The following CTIF variants were observed in gnomAD, a reference collection of about 807,000 sequenced individuals.
The protein encoded by CTIF is cap binding complex dependent translation initiation factor, also known as CBP80/20-dependent translation initiation factor.
A neutral mutation model predicts 66.0 loss-of-function variants in CTIF; 21 were observed. That is an observed-to-expected ratio of 0.32 (90% confidence interval 0.23 to 0.46). The LOEUF is 0.46. CTIF is among the 20% of genes least tolerant of loss of function. CTIF has a pLI of 1.00. For missense variants in CTIF, 739 were observed against 812.7 expected (o/e 0.91, Z 1.10); for synonymous variants, 345 against 326.4 (o/e 1.06, Z -0.62).
chr18:48,703,735 GC>G (rs2092114334), intron 6 of CTIF, among the ~76,000 whole-genome samples: 1 of 152,174 alleles, frequency 6.6e-6, no homozygotes, highest in East Asian at 1.9e-4. Context: ...CCTCATTGGG[GC>G]AGGGGCAGCA....
At chr18:48,820,122 GA>G (rs1381203941) in intron 10 of CTIF, among the ~76,000 whole-genome samples, 1 of 152,204 alleles carries the variant, frequency 6.6e-6, no homozygotes, top group African/African-American at 2.4e-5. Context: ...GTCCATGCCA[GA>G]GCTGGTCTGG....
intron 9 of CTIF, among the ~76,000 whole-genome samples, chr18:48,763,819 C>T (rs1909247924): frequency 6.6e-6 from 1 of 152,164 alleles, no homozygotes; most frequent in African/African-American, 2.4e-5. Flanking sequence ...TTCCCTTTCT[C>T]ATGCTCCTGA....
At chr18:48,806,361 A>G (rs2146258455) in intron 9 of CTIF, among the ~76,000 whole-genome samples, 1 of 152,214 alleles carries the variant, frequency 6.6e-6, no homozygotes, top group East Asian at 1.9e-4. Context: ...CAGCTTCTCA[A>G]GGAAAAGAAA....
rs148529122 is a variant in CTIF at position 48,651,532 on chromosome 18, G to A, written c.253-12220G>A. Reference sequence around the variant, plus strand: ...AATAATAACGGGAGACTTTAACACCGCACTGTCAATATTAGACAGATCAAC... The same window carrying A: ...AATAATAACGGGAGACTTTAACACCACACTGTCAATATTAGACAGATCAAC... On this transcript the variant is annotated intron_variant, in intron 3 of 11. Transcript: ENST00000256413. 8.4e-4 allele frequency among the ~76,000 whole-genome samples: 128 copies of A among 152,150 alleles called. No individual in the cohort carries two copies. The Middle Eastern group carries it at 0.01, about 12-fold the overall frequency.
intron 1 of CTIF, among the ~76,000 whole-genome samples, chr18:48,550,942 A>G (rs1481243689): frequency 1.3e-5 from 2 of 152,222 alleles, no homozygotes; most frequent in East Asian, 3.9e-4. Context: ...GAACTTACGG[A>G]TCTCTACATG....
At chr18:48,624,657 A>G (rs1568082685) in intron 2 of CTIF, among the ~76,000 whole-genome samples, 1 of 152,174 alleles carries the variant, frequency 6.6e-6, no homozygotes, top group Non-Finnish European at 1.5e-5. Flanking sequence ...TACAGGCCCC[A>G]CTGCTAGAGA....
At chr18:48,603,178 ATGGG>A (rs2090130305) in intron 1 of CTIF, among the ~76,000 whole-genome samples, 2 of 142,080 alleles carry the variant, frequency 1.4e-5, no homozygotes, top group Non-Finnish European at 3.0e-5. Context: ...GGATGGATAG[ATGGG>A]TGGGTGGATA....
chr18:48,588,562 A>G (rs184305214), intron 1 of CTIF, among the ~76,000 whole-genome samples: 439 of 151,876 alleles, frequency 2.9e-3, no homozygotes, highest in Middle Eastern at 0.027. Context: ...CCCCAAACAC[A>G]TGGCATCCTG....
In CTIF at chr18:48,761,560, G is replaced by A. The variant is rs1260953021; in HGVS notation, c.1242G>A (p.Val414=). The stretch of plus-strand genomic sequence containing the variant: ...CCGAGGAGATGCTGGGCGAGATCGT[G>A]CGCACAATCTACCAGAAGGCTGTGT... ...TNSEEMLGEI[V]RTIYQKAVSD... The change falls in exon 9 of 12, where the codon GTG becomes GTA. Residue 414 remains valine, a synonymous_variant. Transcript: ENST00000256413. The surrounding 1 kb of genome is among the most constrained non-coding windows in gnomAD (Gnocchi z 4.2). 1.4e-5 allele frequency: 23 copies of A among 1,614,228 alleles called. No individual in the cohort carries two copies. Among genetic ancestry groups the A allele is most frequent in the Non-Finnish European group, 1.9e-5 (23 of 1,180,046 alleles).
chr18:48,561,235 C>A (rs1407151566), intron 1 of CTIF, among the ~76,000 whole-genome samples: 1,386 of 91,932 alleles, frequency 0.015, no homozygotes, highest in South Asian at 0.022. Context: ...GACTCTGTCT[C>A]AAAAAAAAAA....
At chr18:48,811,147 A>T (rs2068251036) in intron 9 of CTIF, among the ~76,000 whole-genome samples, 1 of 152,164 alleles carries the variant, frequency 6.6e-6, no homozygotes, top group African/African-American at 2.4e-5. Context: ...ATCTTGGATT[A>T]TTAAGTCACT....
intron 6 of CTIF, 24 bp downstream of exon 6, chr18:48,670,768 A>G (rs771603294): frequency 1.3e-6 from 2 of 1,598,180 alleles, no homozygotes; most frequent in South Asian, 2.2e-5. Flanking sequence ...CAGGCTCTCT[A>G]ACAGCCCACC....
At chr18:48,711,597 C>T (rs750422902) in intron 6 of CTIF, 22 bp from the exon 7 acceptor site, 1 of 1,606,200 alleles carries the variant, frequency 6.2e-7, no homozygotes, top group Non-Finnish European at 8.5e-7. Context: ...TAATGATCCC[C>T]CTTCCTCCCC....
intron 9 of CTIF, among the ~76,000 whole-genome samples, chr18:48,782,230 G>GT (rs1911302101): frequency 6.6e-6 from 1 of 151,956 alleles, no homozygotes; most frequent in Non-Finnish European, 1.5e-5. Flanking sequence ...GCAGATTCAA[G>GT]TAGAAGGTGG....
intron 6 of CTIF, among the ~76,000 whole-genome samples, chr18:48,672,206 C>T (rs2091547120): frequency 6.6e-6 from 1 of 151,434 alleles, no homozygotes; most frequent in African/African-American, 2.4e-5. Context: ...CCTGTGAGAG[C>T]ACAATGGGAT....
intron 6 of CTIF, among the ~76,000 whole-genome samples, chr18:48,697,671 C>A (rs947560439): frequency 6.6e-6 from 1 of 152,162 alleles, no homozygotes; most frequent in Non-Finnish European, 1.5e-5. Flanking sequence ...CAGCCCAGTG[C>A]TCCTTCTGCT....
chr18:48,688,064 G>A (rs2091871171), intron 6 of CTIF, among the ~76,000 whole-genome samples: 1 of 152,196 alleles, frequency 6.6e-6, no homozygotes, highest in South Asian at 2.1e-4. Flanking sequence ...AAATAAGCAA[G>A]TCTACCCTTA....
chr18:48,690,074 A>C (rs1173330306), intron 6 of CTIF, among the ~76,000 whole-genome samples: 1 of 152,166 alleles, frequency 6.6e-6, no homozygotes, highest in East Asian at 1.9e-4. Flanking sequence ...TCCCTGTCCT[A>C]TAAGAAGGTA....
chr18:48,682,761 C>A (rs2091768334), intron 6 of CTIF, among the ~76,000 whole-genome samples: 1 of 152,252 alleles, frequency 6.6e-6, no homozygotes, highest in Admixed American at 6.5e-5. Flanking sequence ...ACTCCAGCAA[C>A]TGCTCCTGTC....
Sources: allele counts gnomAD v4.1 joint callset (sites outside exome capture counted in the v4.1 genomes callset), GRCh38; gene constraint gnomAD v4.1.1; non-coding constraint Gnocchi (gnomAD v3.1); transcripts MANE v1.5; gene names NCBI Gene and HGNC (gene_info 2026-07-23, HGNC 2026-07-21).